The following AGPAT3 variants were observed in gnomAD, a reference collection of about 807,000 sequenced individuals.
AGPAT3 encodes 1-acyl-sn-glycerol-3-phosphate acyltransferase gamma.
AGPAT3 carries 5 observed loss-of-function variants against 47.3 expected under a neutral mutation model. The observed-to-expected ratio is 0.11, with a 90% CI of 0.06 to 0.22. The LOEUF (loss-of-function observed/expected upper bound fraction) is 0.22. Among genes scored for constraint, AGPAT3 ranks in the 10% least tolerant of loss-of-function variants. AGPAT3 has a pLI of 1.00. For synonymous variants in AGPAT3, 212 were observed against 208.3 expected, an observed-to-expected ratio of 1.02 and a Z score of -0.15; for missense variants, 315 against 493.0, an observed-to-expected ratio of 0.64 and a Z score of 3.42.
chr21:43,914,104 C>G (rs1014665110), intron 2 of AGPAT3, among the ~76,000 whole-genome samples: 3 of 152,238 alleles, frequency 2.0e-5, no homozygotes, highest in African/African-American at 7.2e-5. Context: ...CTGCAGGCAG[C>G]CTGTTGCTCT....
intron 8 of AGPAT3, among the ~76,000 whole-genome samples, chr21:43,979,061 G>A (rs2089734694): frequency 6.6e-6 from 1 of 152,162 alleles, no homozygotes; most frequent in African/African-American, 2.4e-5. Context: ...ACTTTGGGAG[G>A]CCGAGGTGGG....
chr21:43,981,705 C>T lies in AGPAT3; in HGVS notation c.1042+518C>T, dbSNP rs1421385668. On this transcript the variant is annotated intron_variant, in intron 9 of 9. Transcript: ENST00000291572. This position sits in a 1 kb window ranked among gnomAD's most constrained non-coding sequence, Gnocchi z 5.3. ...TGTGGTGAGCTCCGGCGCCCACCCA[C>T]ACCCCGTAATTGAGGGGTCTCTGTC... Among the ~76,000 whole-genome samples the T allele has an allele frequency of 6.6e-6, 1 of 152,118 alleles. No homozygotes were observed. Among genetic ancestry groups the T allele is most frequent in the Admixed American group, 6.5e-5 (1 of 15,278 alleles).
chr21:43,950,847 A>C (rs1449482599), intron 2 of AGPAT3: 1 of 152,260 alleles, frequency 6.6e-6, no homozygotes. Flanking sequence ...AGGAAGGAGG[A>C]CCCAATGCAG....
intron 7 of AGPAT3, among the ~76,000 whole-genome samples, chr21:43,973,648 C>A (rs73373130): frequency 7.7e-4 from 117 of 152,370 alleles, no homozygotes; most frequent in African/African-American, 2.4e-3. Flanking sequence ...TCGCTTTGAA[C>A]TTGTAAGGCT....
intron 1 of AGPAT3, among the ~76,000 whole-genome samples, chr21:43,900,670 G>C (rs1657231308): frequency 1.3e-5 from 2 of 152,182 alleles, no homozygotes; most frequent in Non-Finnish European, 1.5e-5. Flanking sequence ...ATGCTGCCCA[G>C]GTGAGGGAAA....
chr21:43,944,889 C>T (rs1279825291), intron 2 of AGPAT3, among the ~76,000 whole-genome samples: 2 of 152,162 alleles, frequency 1.3e-5, no homozygotes, highest in East Asian at 1.9e-4. Flanking sequence ...TGTCCAGGTG[C>T]GGGGGGGCCA....
chr21:43,958,929 G>A (rs1472944572), intron 2 of AGPAT3, among the ~76,000 whole-genome samples: 4 of 145,418 alleles, frequency 2.8e-5, no homozygotes, highest in Admixed American at 2.7e-4. Context: ...TGGCATGTGT[G>A]TGGCTTGTGT....
chr21:43,940,818 G>A (rs2146364271), intron 2 of AGPAT3, among the ~76,000 whole-genome samples: 1 of 152,374 alleles, frequency 6.6e-6, no homozygotes, highest in Non-Finnish European at 1.5e-5. Flanking sequence ...CGATTTCCCA[G>A]CTGCCCTTGA....
chr21:43,917,935 G>A (rs2086780574), intron 2 of AGPAT3, among the ~76,000 whole-genome samples: 1 of 66,274 alleles, frequency 1.5e-5, no homozygotes, highest in Non-Finnish European at 2.7e-5. Context: ...TGTGGGTGTT[G>A]TGGGTGTTGT....
intron 1 of AGPAT3, among the ~76,000 whole-genome samples, chr21:43,893,429 C>G (rs62228699): frequency 0.12 from 17,770 of 152,224 alleles, 2,117 homozygotes; most frequent in African/African-American, 0.31. Context: ...TCAGCAATAA[C>G]GCTGTTTCAT....
At chr21:43,960,724 C>T (rs1601429355) in intron 3 of AGPAT3, 1 of 985,384 alleles carries the variant, frequency 1.0e-6, no homozygotes, top group Non-Finnish European at 1.2e-6. Flanking sequence ...CATGGAGAGC[C>T]TTCATCTTGC....
In AGPAT3 at chr21:43,880,333, T is replaced by G. The variant is rs934421154; in HGVS notation, c.-112+14988T>G. 3.9e-5 allele frequency among the ~76,000 whole-genome samples: 6 copies of G among 152,208 alleles called. No individual in the cohort carries two copies. The highest frequency in any genetic ancestry group is 1.2e-4 in the African/African-American group (5 of 41,458). ...CAGCCACTGTTCCTGTGGAACACAC[T>G]GGAGAGGCATCTGCAGGGGCGGGGT... On this transcript the variant is annotated intron_variant, in intron 1 of 9. Coordinates refer to ENST00000291572, the MANE Select transcript of AGPAT3 (RefSeq NM_020132.5). The surrounding 1 kb of genome is among the most constrained non-coding windows in gnomAD (Gnocchi z 4.5).
chr21:43,966,243 AC>A (rs2089121715), intron 3 of AGPAT3: 2 of 152,188 alleles, frequency 1.3e-5, no homozygotes, highest in Non-Finnish European at 2.9e-5. Flanking sequence ...TCTTTCCAGA[AC>A]ACTCATGGGG....
intron 7 of AGPAT3, among the ~76,000 whole-genome samples, chr21:43,973,948 A>G (rs2089498929): frequency 6.6e-6 from 1 of 152,248 alleles, no homozygotes; most frequent in South Asian, 2.1e-4. Context: ...GTGCAGAAAA[A>G]AAATAGAATT....
At chr21:43,890,780 C>T (rs940418567) in intron 1 of AGPAT3, among the ~76,000 whole-genome samples, 3 of 151,440 alleles carry the variant, frequency 2.0e-5, no homozygotes, top group African/African-American at 7.3e-5. Flanking sequence ...CTCTGTTGCC[C>T]AGGCTGGAGT....
At chr21:43,972,079 G>C (rs947174631) in intron 7 of AGPAT3, among the ~76,000 whole-genome samples, 47 of 152,326 alleles carry the variant, frequency 3.1e-4, no homozygotes, top group Admixed American at 3.0e-3. Flanking sequence ...GGTGATGGCA[G>C]CCGCAGCACG....
chr21:43,885,826 TGCAG>T (rs2085962718), intron 1 of AGPAT3, among the ~76,000 whole-genome samples: 5 of 151,716 alleles, frequency 3.3e-5, no homozygotes, highest in Admixed American at 6.6e-5. Flanking sequence ...GGTGAAGGTG[TGCAG>T]GTGCGCAGGT....
intron 1 of AGPAT3, among the ~76,000 whole-genome samples, chr21:43,877,040 G>A (rs1437959299): frequency 6.6e-6 from 1 of 151,974 alleles, no homozygotes; most frequent in East Asian, 1.9e-4. Flanking sequence ...TTGTATTTTA[G>A]CAGAGATGGG....
In AGPAT3 at chr21:43,920,950, A is replaced by G. The variant is rs1442643057; in HGVS notation, c.-49+16931A>G. ...ACCACGGTGAAACCCCATATCTACT[A>G]AAAATACAAAAACTTAGCCGGGCGT... On this transcript the variant is annotated intron_variant, in intron 2 of 9. Transcript: ENST00000291572. This position sits in a 1 kb window ranked among gnomAD's most constrained non-coding sequence, Gnocchi z 6.1. Among the ~76,000 whole-genome samples the G allele has an allele frequency of 9.9e-5, 15 of 152,172 alleles. No homozygotes were observed. The highest frequency in any genetic ancestry group is 2.9e-5 in the Non-Finnish European group (2 of 68,018).
Sources: gnomAD v4.1 joint callset for allele counts (sites outside exome capture counted in the v4.1 genomes callset) on GRCh38, gnomAD v4.1.1 for gene constraint, Gnocchi (gnomAD v3.1) non-coding constraint, MANE v1.5 for transcripts, NCBI Gene and HGNC (gene_info 2026-07-23, HGNC 2026-07-21) for gene names.